The following SCN3A variants were observed in gnomAD, a reference collection of about 807,000 sequenced individuals.
SCN3A encodes sodium voltage-gated channel alpha subunit 3.
In SCN3A, 60 loss-of-function variants were observed where a neutral mutation model predicts 187.6. The ratio of observed to expected loss-of-function variants is 0.32; its 90% CI spans 0.26 to 0.40. The LOEUF (loss-of-function observed/expected upper bound fraction) is 0.40, where lower values mean the gene tolerates loss of function less well. Among genes scored for constraint, SCN3A ranks in the 10% least tolerant of loss-of-function variants. The probability of loss-of-function intolerance (pLI) is 1.00; values close to 1 mark genes in which losing one functional copy is unlikely to be tolerated. For missense variants in SCN3A, 1,601 were observed against 2,428.2 expected (o/e 0.66, Z 7.16); for synonymous variants, 788 against 829.2 (o/e 0.95, Z 0.85).
At chr2:165,097,580 C>T (rs907394457) in intron 22 of SCN3A, 56 bp from the exon 23 acceptor site, 1 of 1,593,894 alleles carries the variant, frequency 6.3e-7, no homozygotes, top group African/African-American at 1.3e-5. Flanking sequence ...GGAAACCATT[C>T]CTTCAATGTA....
intron 1 of SCN3A, among the ~76,000 whole-genome samples, chr2:165,193,086 A>T (rs1374142820): frequency 2.0e-5 from 3 of 152,172 alleles, no homozygotes; most frequent in Non-Finnish European, 2.9e-5. Flanking sequence ...ATTTAAAATT[A>T]CATACATGGG....
Position 165,088,869 on chromosome 2 carries a change from G to C in SCN3A, c.*1281C>G, listed in dbSNP as rs574412247. 1.3e-5 allele frequency: 2 copies of C among 152,530 alleles called. No homozygotes were observed. Among genetic ancestry groups the C allele is most frequent in the Admixed American group, 6.5e-5 (1 of 15,268 alleles). The allele number at this position is 152,530 out of a possible 1,614,324, so 9.4% of individuals were successfully genotyped here. A position where few individuals can be genotyped will look rare whatever the true frequency, so the allele number is the denominator to read the frequency against. ...ATCCAGTGTGTTTCCTTGAAATCTA[G>C]AGAGATACCATATGATACTCATGTT... On this transcript the variant is annotated 3_prime_UTR_variant, in exon 28 of 28. Transcript: ENST00000283254.
Position 165,128,000 on chromosome 2 carries a change from T to C in SCN3A, c.3024A>G (p.Val1008=). The change falls in exon 18 of 28, where the codon GTA becomes GTG. Residue 1008 remains valine, a synonymous_variant. Transcript: ENST00000283254. Reference sequence around the variant, plus strand: ...AATCAATTCCCTTTTGCATTCTTCCTACTGCAATCTGCAGATTATTCATTT... The same window carrying C: ...AATCAATTCCCTTTTGCATTCTTCCCACTGCAATCTGCAGATTATTCATTT... ...DNEMNNLQIA[V]GRMQKGIDYV... 6.2e-7 allele frequency: 1 copy of C among 1,614,064 alleles called. No homozygotes were observed. The highest frequency in any genetic ancestry group is 8.5e-7 in the Non-Finnish European group (1 of 1,179,990).
chr2:165,187,239 A>C (rs1026027609), intron 1 of SCN3A, among the ~76,000 whole-genome samples: 21 of 152,318 alleles, frequency 1.4e-4, no homozygotes, highest in Admixed American at 1.0e-3. Context: ...TACTAAAATA[A>C]GATAAATAAA....
intron 1 of SCN3A, among the ~76,000 whole-genome samples, chr2:165,188,097 G>A (rs1388301664): frequency 6.6e-6 from 1 of 152,162 alleles, no homozygotes; most frequent in East Asian, 1.9e-4. Context: ...TGTGGAGGGG[G>A]ATGAGGTAGG....
chr2:165,127,734 G>A lies in SCN3A; in HGVS notation c.3290C>T (p.Pro1097Leu). The change falls in exon 18 of 28, where the codon CCC becomes CTC. Residue 1097 changes from proline (P) to leucine (L), a missense_variant. Physicochemically the swap from Pro to Leu is moderately conservative, Grantham distance 98 (BLOSUM62 -3). Coordinates refer to ENST00000283254, the MANE Select transcript of SCN3A (RefSeq NM_006922.4). Reference protein sequence around the residue: ...ENDYMSFINNPSLTVTVPIAV... With the variant: ...ENDYMSFINNLSLTVTVPIAV... ...AATTGGCACTGTGACGGTGAGGCTG[G>A]GGTTGTTTATGAATGACATATAATC... 6.2e-7 allele frequency: 1 copy of A among 1,614,074 alleles called. No homozygotes were observed. The highest frequency in any genetic ancestry group is 2.2e-5 in the East Asian group (1 of 44,852).
In SCN3A at chr2:165,150,026, C is replaced by T. The variant is rs371052052; in HGVS notation, c.1381-2997G>A. On this transcript the variant is annotated intron_variant, in intron 11 of 27. Coordinates refer to ENST00000283254, the MANE Select transcript of SCN3A (RefSeq NM_006922.4). Reference sequence around the variant, plus strand: ...TTAGATTTCTTAAGAGCTACTATTTCGAATTTTGTTCTAGAGCTTACTCCC... The same window carrying T: ...TTAGATTTCTTAAGAGCTACTATTTTGAATTTTGTTCTAGAGCTTACTCCC... Among the ~76,000 whole-genome samples the T allele has an allele frequency of 7.9e-5, 12 of 152,234 alleles. No individual in the cohort carries two copies. The East Asian group carries it at 9.6e-4, about 12-fold the overall frequency.
At chr2:165,132,926 A>C (rs1687432133) in intron 15 of SCN3A, among the ~76,000 whole-genome samples, 1 of 152,184 alleles carries the variant, frequency 6.6e-6, no homozygotes, top group Non-Finnish European at 1.5e-5. Context: ...AACTCAAACA[A>C]ATTTACAAGA....
At chr2:165,103,046 T>A (rs893898166) in intron 21 of SCN3A, among the ~76,000 whole-genome samples, 5 of 152,366 alleles carry the variant, frequency 3.3e-5, no homozygotes, top group Middle Eastern at 3.4e-3. Context: ...CTGGTTTGCA[T>A]GACTTAAGCT....
intron 1 of SCN3A, among the ~76,000 whole-genome samples, chr2:165,193,780 T>G (rs1691759258): frequency 6.6e-6 from 1 of 152,162 alleles, no homozygotes; most frequent in African/African-American, 2.4e-5. Flanking sequence ...CCACATGTTA[T>G]CTGCGCTCCT....
At chr2:165,165,033 T>C (rs914423992) in intron 5 of SCN3A, among the ~76,000 whole-genome samples, 1 of 152,176 alleles carries the variant, frequency 6.6e-6, no homozygotes, top group Non-Finnish European at 1.5e-5. Context: ...CAGTACAACT[T>C]TAGAGGCAAC....
chr2:165,102,296 A>C (rs1245702842), intron 21 of SCN3A, among the ~76,000 whole-genome samples: 3 of 152,234 alleles, frequency 2.0e-5, no homozygotes, highest in African/African-American at 7.2e-5. Flanking sequence ...GGATCACTTA[A>C]GGCCATGAGT....
Position 165,092,534 on chromosome 2 carries a change from GAGAGA to G in SCN3A, c.4537-15_4537-11del. On this transcript the variant is annotated splice_polypyrimidine_tract_variant and intron_variant, in intron 26 of 27. Transcript: ENST00000283254. This position sits in a 1 kb window ranked among gnomAD's most constrained non-coding sequence, Gnocchi z 4.2. Reference sequence around the variant, plus strand: ...TTCCTTGGAATTTGTTCTAGAAAGTGAGAGAAGAGAAATAAGGTTACTATATATAT... The same window carrying G: ...TTCCTTGGAATTTGTTCTAGAAAGTGAGAGAAATAAGGTTACTATATATAT... The G allele has an allele frequency of 6.2e-7, 1 of 1,608,472 alleles. No homozygotes were observed. The highest frequency in any genetic ancestry group is 2.2e-5 in the East Asian group (1 of 44,844).
chr2:165,137,444 T>G (rs1441555909), intron 15 of SCN3A, among the ~76,000 whole-genome samples: 1 of 152,168 alleles, frequency 6.6e-6, no homozygotes, highest in Non-Finnish European at 1.5e-5. Context: ...ACTGAAGCTT[T>G]TTATTAGGTA....
rs1687788832 is a variant in SCN3A, at chr2:165,138,240, T to G, written c.2153-123A>C. The G allele has an allele frequency of 4.1e-6, 3 of 731,296 alleles. No individual in the cohort carries two copies. In the East Asian group the frequency reaches 8.1e-5, roughly 20 times the overall value. The allele number at this position is 731,296 out of a possible 1,614,324, so 45.3% of individuals were successfully genotyped here. A position where few individuals can be genotyped will look rare whatever the true frequency, so the allele number is the denominator to read the frequency against. On this transcript the variant is annotated intron_variant, in intron 14 of 27. Transcript: ENST00000283254. ...TTTGAAAATAGAAGTTCATATTACTTAAGAAACTTGAGAAGACAATCCCAT... is the reference window on the plus strand; with the variant it reads ...TTTGAAAATAGAAGTTCATATTACTGAAGAAACTTGAGAAGACAATCCCAT...
chr2:165,121,893 A>C (rs931477272), intron 18 of SCN3A, among the ~76,000 whole-genome samples: 6 of 152,228 alleles, frequency 3.9e-5, no homozygotes, highest in African/African-American at 7.2e-5. Context: ...TTAATAATTA[A>C]TAACTGAAAA....
chr2:165,157,808 A>G (rs891984538), intron 9 of SCN3A, among the ~76,000 whole-genome samples: 7 of 152,232 alleles, frequency 4.6e-5, no homozygotes, highest in African/African-American at 1.2e-4. Flanking sequence ...TTGGATTACA[A>G]TTCAATGATA....
At chr2:165,145,170 C>G (rs1978883) in intron 12 of SCN3A, among the ~76,000 whole-genome samples, 32,389 of 151,998 alleles carry the variant, frequency 0.21, 3,451 homozygotes, top group East Asian at 0.31. Flanking sequence ...ACTTGACCAA[C>G]GTCACAGAAC....
At position 165,115,569 on chromosome 2, in the gene SCN3A, T is replaced by G; in HGVS notation, c.3400A>C (p.Asn1134His). ...CTTCCTTCAGATGAGCTGGTTGCAT[T>G]TAATTTCTGGAAACAAAATCCCATT... ...SELEESKEKL[N>H]ATSSSEGSTV... Residue 1134 changes from asparagine to histidine, a missense_variant, in exon 19 of 28, where the codon AAT (asparagine) becomes CAT (histidine). Asn to His is a moderately conservative substitution (Grantham distance 68). Around this residue, in one of 11 missense-constraint regions of SCN3A, gnomAD observed 267 missense variants for 313.2 expected, o/e 0.85. Transcript: ENST00000283254. 2 of 1,613,866 alleles carry G rather than the reference T, an allele frequency of 1.2e-6. No individual in the cohort carries two copies. The highest frequency in any genetic ancestry group is 1.7e-6 in the Non-Finnish European group (2 of 1,179,826).
Sources: allele counts gnomAD v4.1 joint callset (sites outside exome capture counted in the v4.1 genomes callset), GRCh38; gene constraint gnomAD v4.1.1; regional missense constraint gnomAD v4.1.1; non-coding constraint Gnocchi (gnomAD v3.1); transcripts MANE v1.5; gene names NCBI Gene and HGNC (gene_info 2026-07-23, HGNC 2026-07-21).